Variants in FSIP1 observed in about 807,000 individuals in gnomAD.
FSIP1 encodes fibrous sheath-interacting protein 1.
FSIP1 carries 65 observed loss-of-function variants against 60.9 expected under a neutral mutation model. The observed-to-expected ratio is 1.07, with a 90% confidence interval of 0.87 to 1.31. FSIP1 has a LOEUF of 1.31. Ranked by LOEUF, FSIP1 falls within the 40% of genes most tolerant of loss-of-function variation. FSIP1 has a pLI of 0.00. For synonymous variants in FSIP1, 209 were observed against 221.2 expected, an observed-to-expected ratio of 0.94 and a Z score of 0.49; for missense variants, 675 against 665.5, an observed-to-expected ratio of 1.01 and a Z score of -0.16.
At chr15:39,732,983 T>C (rs1248436782) in intron 8 of FSIP1, among the ~76,000 whole-genome samples, 1 of 152,210 alleles carries the variant, frequency 6.6e-6, no homozygotes, top group African/African-American at 2.4e-5. Context: ...AGAATTTCTG[T>C]ATGTTTACCT....
At chr15:39,679,767 G>A (rs924218003) in intron 10 of FSIP1, among the ~76,000 whole-genome samples, 2 of 152,114 alleles carry the variant, frequency 1.3e-5, no homozygotes, top group African/African-American at 4.8e-5. Context: ...TTGATTAAGG[G>A]GGGAAAACAA....
chr15:39,629,186 T>C (rs1162131399), intron 10 of FSIP1, among the ~76,000 whole-genome samples: 1 of 152,118 alleles, frequency 6.6e-6, no homozygotes, highest in Non-Finnish European at 1.5e-5. Flanking sequence ...TCATGTGTAC[T>C]CTTGTAGATT....
At chr15:39,719,633 C>T (rs952848013) in intron 9 of FSIP1, among the ~76,000 whole-genome samples, 2 of 152,228 alleles carry the variant, frequency 1.3e-5, no homozygotes, top group African/African-American at 4.8e-5. Flanking sequence ...ATAAAGACAG[C>T]TTGTCCTATG....
intron 10 of FSIP1, among the ~76,000 whole-genome samples, chr15:39,684,279 A>T (rs1015320006): frequency 6.6e-6 from 1 of 152,224 alleles, no homozygotes; most frequent in Non-Finnish European, 1.5e-5. Flanking sequence ...AACAATTTTT[A>T]AAAATAAAAT....
At chr15:39,676,166 C>A (rs1893931258) in intron 10 of FSIP1, among the ~76,000 whole-genome samples, 1 of 96,782 alleles carries the variant, frequency 1.0e-5, no homozygotes. Context: ...GAGTGAGACT[C>A]CATCTCAAAA....
chr15:39,698,392 A>C (rs1043017519), intron 10 of FSIP1, among the ~76,000 whole-genome samples: 12 of 152,042 alleles, frequency 7.9e-5, no homozygotes, highest in Admixed American at 7.2e-4. Context: ...CATCATGTCG[A>C]GATTCTTACT....
At chr15:39,743,670 A>C (rs1896880948) in intron 5 of FSIP1, among the ~76,000 whole-genome samples, 1 of 152,222 alleles carries the variant, frequency 6.6e-6, no homozygotes, top group Non-Finnish European at 1.5e-5. Context: ...TTACCAAAGG[A>C]AAAATAGTAA....
chr15:39,770,709 G>A lies in FSIP1; in HGVS notation c.127-99C>T. On this transcript the variant is annotated intron_variant, in intron 2 of 11. Coordinates refer to ENST00000350221, the MANE Select transcript of FSIP1 (RefSeq NM_152597.5). ...TTTGACACTAATGGAAGCAGATGGA[G>A]AATGTACATAAATGCATACACTAGC... is the stretch of plus-strand genomic sequence containing the variant. 5.8e-6 allele frequency: 4 copies of A among 693,880 alleles called. No individual in the cohort carries two copies. In the South Asian group the frequency reaches 1.0e-4, roughly 17 times the overall value. 43.0% of individuals were successfully genotyped at this position (693,880 alleles called of 1,614,324 possible). A position where few individuals can be genotyped will look rare whatever the true frequency, so the allele number is the denominator to read the frequency against.
At chr15:39,618,312 A>G in intron 10 of FSIP1, 67 bp from the exon 11 acceptor site, 1 of 1,246,608 alleles carries the variant, frequency 8.0e-7, no homozygotes, top group Non-Finnish European at 1.1e-6. Flanking sequence ...TTTGGTAGGC[A>G]TCCAGTAATA....
rs772667057 is a variant in FSIP1 at position 39,713,550 on chromosome 15, T to A, written c.1082A>T (p.Glu361Val). The A allele has an allele frequency of 1.9e-5, 31 of 1,602,332 alleles. No homozygotes were observed. The highest frequency in any genetic ancestry group is 2.6e-5 in the Non-Finnish European group (30 of 1,175,730). ...KPDRDGERNM[E>V]VTPGEKILRN... ...AAGTATCTTTTCTCCTGGAGTTACT[T>A]CCATATTTCTTTCACCATCACGGTC... The change falls in exon 10 of 12, where the codon GAA (glutamate) becomes GTA (valine). Residue 361 changes from glutamate to valine, a missense_variant. By Grantham distance (121) the Glu-to-Val change is moderately radical. Transcript: ENST00000350221.
chr15:39,635,515 G>T (rs1463070173), intron 10 of FSIP1, among the ~76,000 whole-genome samples: 1 of 152,072 alleles, frequency 6.6e-6, no homozygotes, highest in African/African-American at 2.4e-5. Context: ...GCAAGTTCTT[G>T]ACCTTAGTTC....
rs553251392 is a variant in FSIP1 at position 39,721,171 on chromosome 15, T to G, written c.1050+5418A>C. Among the ~76,000 whole-genome samples, 3 of 152,352 alleles carry G rather than the reference T, an allele frequency of 2.0e-5. No individual in the cohort carries two copies. In the South Asian group the frequency reaches 6.2e-4, roughly 32 times the overall value. On this transcript the variant is annotated intron_variant, in intron 9 of 11. Coordinates refer to ENST00000350221, the MANE Select transcript of FSIP1 (RefSeq NM_152597.5). ...ACACCTCCTTCATCTCTGAGCCACA[T>G]TCCTAGAGTTCCTCAAACTATTCTG...
chr15:39,645,585 C>T (rs1171454857), intron 10 of FSIP1, among the ~76,000 whole-genome samples: 1 of 151,790 alleles, frequency 6.6e-6, no homozygotes, highest in African/African-American at 2.4e-5. Context: ...AGATCTGGAA[C>T]TCCCAGTTGG....
At position 39,658,374 on chromosome 15, in the gene FSIP1, T is replaced by C. The variant is rs191586345; in HGVS notation, c.1189-40129A>G. 2.7e-3 allele frequency among the ~76,000 whole-genome samples: 403 copies of C among 151,484 alleles called. 3 individuals are homozygous for C. Among genetic ancestry groups the C allele is most frequent in the African/African-American group, 9.4e-3 (387 of 41,280 alleles). On this transcript the variant is annotated intron_variant, in intron 10 of 11. Coordinates refer to ENST00000350221, the MANE Select transcript of FSIP1 (RefSeq NM_152597.5). ...AAGTAATTCTTCTGCCTCAGCCTCC[T>C]GAGTAGCTGGGATTACAGGTGCCTG...
At chr15:39,677,559 G>A (rs754984226) in intron 10 of FSIP1, among the ~76,000 whole-genome samples, 16 of 152,048 alleles carry the variant, frequency 1.1e-4, no homozygotes, top group Non-Finnish European at 1.9e-4. Flanking sequence ...CTACCCCTAG[G>A]AATTTATCTG....
chr15:39,670,041 T>C (rs1227125401), intron 10 of FSIP1, among the ~76,000 whole-genome samples: 1 of 152,226 alleles, frequency 6.6e-6, no homozygotes, highest in Non-Finnish European at 1.5e-5. Context: ...ACTACAATTT[T>C]ACTTTTATCT....
chr15:39,771,833 A>G (rs941409985), intron 2 of FSIP1, among the ~76,000 whole-genome samples: 1 of 152,234 alleles, frequency 6.6e-6, no homozygotes, highest in Non-Finnish European at 1.5e-5. Flanking sequence ...AAAGTCTGTA[A>G]TTCCACAATA....
At chr15:39,711,538 G>C (rs1445815479) in intron 10 of FSIP1, among the ~76,000 whole-genome samples, 6 of 152,172 alleles carry the variant, frequency 3.9e-5, no homozygotes, top group Non-Finnish European at 5.9e-5. Context: ...CAGATATGGA[G>C]TGAGAGGAAG....
At chr15:39,652,543 C>T (rs944588495) in intron 10 of FSIP1, among the ~76,000 whole-genome samples, 5 of 152,188 alleles carry the variant, frequency 3.3e-5, no homozygotes, top group Non-Finnish European at 7.4e-5. Context: ...TCTACCTAAA[C>T]ATTTCTTTCC....
Sources: gnomAD v4.1 joint callset for allele counts (sites outside exome capture counted in the v4.1 genomes callset) on GRCh38, gnomAD v4.1.1 for gene constraint, MANE v1.5 for transcripts, NCBI Gene and HGNC (gene_info 2026-07-23, HGNC 2026-07-21) for gene names.